The following CATSPERB variants were observed in gnomAD, a reference collection of about 807,000 sequenced individuals.
CATSPERB encodes cation channel sperm-associated auxiliary subunit beta.
Under a neutral mutation model 128.3 loss-of-function variants are expected in CATSPERB, and 93 were observed. The ratio of observed to expected loss-of-function variants is 0.72; its 90% CI spans 0.61 to 0.86. The LOEUF (loss-of-function observed/expected upper bound fraction) is 0.86, where lower values mean the gene tolerates loss of function less well. Among genes scored for constraint, CATSPERB ranks in the 40% least tolerant of loss-of-function variants. CATSPERB has a pLI of 0.00. For synonymous variants in CATSPERB, 381 were observed against 448.8 expected, an observed-to-expected ratio of 0.85 and a Z score of 1.91; for missense variants, 1,153 against 1,329.5, an observed-to-expected ratio of 0.87 and a Z score of 2.06.
chr14:91,610,380 C>T, intron 21 of CATSPERB, 100 bp downstream of exon 21: 1 of 849,486 alleles, frequency 1.2e-6, no homozygotes, highest in East Asian at 2.5e-5. Flanking sequence ...GTGTTTTGAG[C>T]CACTCACAAA....
intron 14 of CATSPERB, among the ~76,000 whole-genome samples, chr14:91,664,279 T>TC (rs1442697703): frequency 6.8e-6 from 1 of 145,986 alleles, no homozygotes; most frequent in East Asian, 2.0e-4. Context: ...TTTTTTTTTT[T>TC]TTTTGAGACA....
At chr14:91,594,244 G>A (rs954992248) in intron 22 of CATSPERB, among the ~76,000 whole-genome samples, 101 of 151,800 alleles carry the variant, frequency 6.7e-4, no homozygotes, top group Middle Eastern at 3.4e-3. Flanking sequence ...ACCAAACACC[G>A]CATGTTCTCA....
At chr14:91,679,216 T>C (rs989281570) in intron 11 of CATSPERB, among the ~76,000 whole-genome samples, 1 of 152,200 alleles carries the variant, frequency 6.6e-6, no homozygotes, top group African/African-American at 2.4e-5. Flanking sequence ...CTATAAAATG[T>C]TAACATCTGA....
chr14:91,585,852 G>A (rs1446460326), intron 26 of CATSPERB, among the ~76,000 whole-genome samples: 5 of 152,136 alleles, frequency 3.3e-5, no homozygotes, highest in Admixed American at 2.0e-4. Context: ...ATGTTATGTT[G>A]GGAGATTCTG....
At chr14:91,651,077 T>TGAGACTTTCCTGTTTGCTCAGA (rs1894697168) in intron 15 of CATSPERB, among the ~76,000 whole-genome samples, 5 of 152,230 alleles carry the variant, frequency 3.3e-5, no homozygotes, top group Admixed American at 6.5e-5. Flanking sequence ...TCAGACTTTC[T>TGAGACTTTCCTGTTTGCTCAGA]CTTTCCTGTT....
At chr14:91,608,639 AT>A (rs5810547) in intron 21 of CATSPERB, among the ~76,000 whole-genome samples, 141,408 of 152,274 alleles carry the variant, frequency 0.93, 65,761 homozygotes, top group African/African-American at 0.97. Flanking sequence ...AGTCAATGCA[AT>A]TAAAGTTTAA....
chr14:91,717,058 C>T (rs576330897), intron 5 of CATSPERB, among the ~76,000 whole-genome samples: 2 of 152,254 alleles, frequency 1.3e-5, no homozygotes, highest in South Asian at 4.1e-4. Context: ...AACAAGAACA[C>T]TAGAGAGACT....
intron 5 of CATSPERB, among the ~76,000 whole-genome samples, chr14:91,717,062 A>G (rs993789483): frequency 6.6e-6 from 1 of 152,224 alleles, no homozygotes; most frequent in Non-Finnish European, 1.5e-5. Flanking sequence ...AGAACACTAG[A>G]GAGACTATAA....
intron 25 of CATSPERB, among the ~76,000 whole-genome samples, 199 bp from the exon 26 acceptor site, chr14:91,587,475 TAC>T (rs1002108795): frequency 3.7e-5 from 4 of 108,978 alleles, no homozygotes; most frequent in African/African-American, 7.3e-5. Flanking sequence ...CAATAGCTGA[TAC>T]TTTTTTTTTT....
chr14:91,614,747 G>C (rs1893903834), intron 20 of CATSPERB, among the ~76,000 whole-genome samples: 1 of 152,130 alleles, frequency 6.6e-6, no homozygotes, highest in African/African-American at 2.4e-5. Flanking sequence ...AGTGAGCTGT[G>C]ATCACACCAC....
rs1219929349 is a variant in CATSPERB at position 91,622,029 on chromosome 14, G to A, written c.1931-92C>T. 3 of 804,848 alleles carry A rather than the reference G, an allele frequency of 3.7e-6. No homozygotes were observed. In the East Asian group the frequency reaches 8.0e-5, roughly 22 times the overall value. The allele number at this position is 804,848 out of a possible 1,614,324, so 49.9% of individuals were successfully genotyped here. A position where few individuals can be genotyped will look rare whatever the true frequency, so the allele number is the denominator to read the frequency against. ...TACATAGCTAACAAATACACTGTTT[G>A]AGTTTTTAAACTATCTCTTAACCAG... is the stretch of plus-strand genomic sequence containing the variant. On this transcript the variant is annotated intron_variant, in intron 18 of 26. Coordinates refer to ENST00000256343, the MANE Select transcript of CATSPERB (RefSeq NM_024764.4).
Position 91,639,704 on chromosome 14 carries a change from G to A in CATSPERB, c.1433-454C>T, listed in dbSNP as rs760595688. On this transcript the variant is annotated intron_variant, in intron 15 of 26. Transcript: ENST00000256343. ...CGTCCTGTGGTTCTCTCATCCTTAG[G>A]GCGCCACGTTGAGAGGCACTGTCAG... Among the ~76,000 whole-genome samples the A allele has an allele frequency of 8.2e-4, 125 of 152,206 alleles. No individual in the cohort carries two copies. In the Middle Eastern group the frequency reaches 0.01, roughly 12 times the overall value.
intron 5 of CATSPERB, among the ~76,000 whole-genome samples, chr14:91,716,136 A>C (rs1895933770): frequency 6.6e-6 from 1 of 152,128 alleles, no homozygotes; most frequent in African/African-American, 2.4e-5. Context: ...TGAAAAGACA[A>C]CCCCAGACTG....
chr14:91,608,484 C>A, intron 21 of CATSPERB, 80 bp from the exon 22 acceptor site: 2 of 865,184 alleles, frequency 2.3e-6, no homozygotes, highest in East Asian at 2.8e-5. Context: ...TTCTAGAAAA[C>A]CAATCAAGGC....
At position 91,586,785 on chromosome 14, in the gene CATSPERB, T is replaced by G. The variant is rs141361245; in HGVS notation, c.3132+417A>C. Among the ~76,000 whole-genome samples, 104 of 152,348 alleles carry G rather than the reference T, an allele frequency of 6.8e-4. 1 individual carries two copies. Among genetic ancestry groups the G allele is most frequent in the African/African-American group, 2.3e-3 (97 of 41,580 alleles). On this transcript the variant is annotated intron_variant, in intron 26 of 26. Coordinates refer to ENST00000256343, the MANE Select transcript of CATSPERB (RefSeq NM_024764.4). ...CAATTCCTTTGGATCTTGAAAGCCT[T>G]TGAAATATTTAAGACAATGATTACA... is the stretch of plus-strand genomic sequence containing the variant.
At chr14:91,716,093 A>C (rs2139774677) in intron 5 of CATSPERB, among the ~76,000 whole-genome samples, 1 of 152,334 alleles carries the variant, frequency 6.6e-6, no homozygotes, top group Admixed American at 6.5e-5. Flanking sequence ...GCAAAATTGA[A>C]AACTCTGATC....
At chr14:91,634,529 A>G in intron 17 of CATSPERB, among the ~76,000 whole-genome samples, 1 of 151,762 alleles carries the variant, frequency 6.6e-6, no homozygotes, top group African/African-American at 2.4e-5. Flanking sequence ...ACCCAAAGGA[A>G]AAGAAGTCAT....
chr14:91,670,693 G>C (rs1895073771), intron 13 of CATSPERB, among the ~76,000 whole-genome samples: 1 of 150,024 alleles, frequency 6.7e-6, no homozygotes, highest in Non-Finnish European at 1.5e-5. Context: ...AAAAAAAAGA[G>C]ATATGAAACC....
Position 91,587,897 on chromosome 14 carries a change from T to C in CATSPERB, c.3057+81A>G, listed in dbSNP as rs770529626. 13 of 869,834 alleles carry C rather than the reference T, an allele frequency of 1.5e-5. No homozygotes were observed. In the African/African-American group the frequency reaches 1.5e-4, roughly 10 times the overall value. The allele number at this position is 869,834 out of a possible 1,614,324, so 53.9% of individuals were successfully genotyped here. A position where few individuals can be genotyped will look rare whatever the true frequency, so the allele number is the denominator to read the frequency against. On this transcript the variant is annotated intron_variant, in intron 25 of 26. Transcript: ENST00000256343. ...CCCACCATTCCTGGTTACCTATACTTTAGAATTAAAACCAATCTTAGTTTA... is the reference window on the plus strand; with the variant it reads ...CCCACCATTCCTGGTTACCTATACTCTAGAATTAAAACCAATCTTAGTTTA...
Sources: allele counts gnomAD v4.1 joint callset (sites outside exome capture counted in the v4.1 genomes callset), GRCh38; gene constraint gnomAD v4.1.1; transcripts MANE v1.5; gene names NCBI Gene and HGNC (gene_info 2026-07-23, HGNC 2026-07-21).